IKZF5: variants seen among roughly 807,000 people sequenced by gnomAD.
The protein encoded by IKZF5 is IKAROS family zinc finger 5.
IKZF5 carries 4 observed loss-of-function variants against 30.7 expected under a neutral mutation model. The observed-to-expected ratio is 0.13, with a 90% confidence interval of 0.06 to 0.30. The LOEUF (loss-of-function observed/expected upper bound fraction) is 0.30. Ranked by LOEUF, IKZF5 falls within the 10% of genes least tolerant of loss-of-function variation. The probability of loss-of-function intolerance (pLI) is 1.00; values close to 1 mark genes in which losing one functional copy is unlikely to be tolerated. For synonymous variants in IKZF5, 148 were observed against 179.6 expected (o/e 0.82, Z 1.41); for missense variants, 348 against 525.5 (o/e 0.66, Z 3.30).
intron 3 of IKZF5, among the ~76,000 whole-genome samples, chr10:122,996,545 A>T (rs74984307): frequency 6.7e-6 from 1 of 149,276 alleles, no homozygotes; most frequent in Non-Finnish European, 1.5e-5. Flanking sequence ...AAAAAAAAAA[A>T]TTACAAAAAT....
chr10:122,999,748 G>C (rs565529340), intron 2 of IKZF5, among the ~76,000 whole-genome samples: 2 of 152,328 alleles, frequency 1.3e-5, no homozygotes, highest in Admixed American at 1.3e-4. Flanking sequence ...AGTGTAGAAA[G>C]GGAAAGTCTC....
At chr10:122,995,822 GTATGTTGT>G (rs1219262996) in intron 4 of IKZF5, among the ~76,000 whole-genome samples, 164 bp downstream of exon 4, 7 of 152,184 alleles carry the variant, frequency 4.6e-5, no homozygotes, top group South Asian at 2.1e-4. Flanking sequence ...TGACCTGTTT[GTATGTTGT>G]TATGTTGTTG....
At chr10:122,998,228 T>C (rs778786449) in intron 3 of IKZF5, 4 of 297,736 alleles carry the variant, frequency 1.3e-5, no homozygotes, top group Admixed American at 5.0e-5. Context: ...TTGTGTCTAA[T>C]GGTAGCTCAT....
At chr10:123,006,756 C>CA (rs1188884930) in intron 2 of IKZF5, among the ~76,000 whole-genome samples, 1 of 152,164 alleles carries the variant, frequency 6.6e-6, no homozygotes, top group African/African-American at 2.4e-5. Context: ...GTTTACCCTC[C>CA]ATAGCCTAAT....
rs77790234 is a variant in IKZF5, at chr10:123,000,078, T to A, written c.-46-1407A>T. On this transcript the variant is annotated intron_variant, in intron 2 of 4. Transcript: ENST00000368886. The stretch of plus-strand genomic sequence containing the variant: ...ATATATGCTTAACTTTTTGTTGAAG[T>A]CTTGTACATATATAGAAAAGCACAT... 9.6e-3 allele frequency among the ~76,000 whole-genome samples: 1,465 copies of A among 152,320 alleles called. 18 individuals carry two copies. The highest frequency in any genetic ancestry group is 0.032 in the African/African-American group (1,322 of 41,564).
At chr10:123,000,228 TAGGACCCTCTGCCC>T (rs1849532696) in intron 2 of IKZF5, among the ~76,000 whole-genome samples, 1 of 152,226 alleles carries the variant, frequency 6.6e-6, no homozygotes, top group Non-Finnish European at 1.5e-5. Flanking sequence ...CTTCCAATGC[TAGGACCCTCTGCCC>T]TGACAAGGGT....
chr10:123,004,029 TTG>T (rs1289365014), intron 2 of IKZF5, among the ~76,000 whole-genome samples: 2 of 152,220 alleles, frequency 1.3e-5, no homozygotes, highest in Admixed American at 1.3e-4. Flanking sequence ...TTCTTTATCA[TTG>T]TGTTACTATT....
chr10:123,001,014 C>CT (rs1359372875), intron 2 of IKZF5, among the ~76,000 whole-genome samples: 1,568 of 140,880 alleles, frequency 0.011, 18 homozygotes, highest in African/African-American at 0.035. Flanking sequence ...CTTTTCTTTT[C>CT]TTTTTTTTTT....
intron 2 of IKZF5, among the ~76,000 whole-genome samples, chr10:122,999,270 A>C (rs1849500192): frequency 6.6e-6 from 1 of 152,234 alleles, no homozygotes; most frequent in Non-Finnish European, 1.5e-5. Flanking sequence ...GAGGCACTTG[A>C]AATTTGGCTA....
At position 122,991,294 on chromosome 10, in the gene IKZF5, G is replaced by C. The variant is rs1347672136; in HGVS notation, c.*2486C>G. The C allele has an allele frequency of 6.6e-6, 1 of 152,060 alleles. No individual in the cohort carries two copies. Among genetic ancestry groups the C allele is most frequent in the Admixed American group, 6.5e-5 (1 of 15,274 alleles). 9.4% of individuals were successfully genotyped at this position (152,060 alleles called of 1,614,324 possible). ...GCTACATACTACATTAGTAAAATCT[G>C]AAATAAAATTATTCCCAGTTAATCT... On this transcript the variant is annotated 3_prime_UTR_variant, in exon 5 of 5. Coordinates refer to ENST00000368886, the MANE Select transcript of IKZF5 (RefSeq NM_001372123.1).
Position 122,996,184 on chromosome 10 carries a change from C to T in IKZF5, c.134-8G>A, listed in dbSNP as rs767385763. On this transcript the variant is annotated splice_polypyrimidine_tract_variant and splice_region_variant and intron_variant, in intron 3 of 4. Transcript: ENST00000368886. ...GATCACCATCTGTTCCAGCTATAAA[C>T]AAAGTACCGCAAAAGAAATTATGCA... The T allele has an allele frequency of 8.7e-6, 14 of 1,607,860 alleles. No homozygotes were observed. The highest frequency in any genetic ancestry group is 3.3e-4 in the Middle Eastern group (2 of 6,070).
chr10:122,998,699 G>T, intron 2 of IKZF5, 28 bp from the exon 3 acceptor site: 2 of 1,291,296 alleles, frequency 1.5e-6, no homozygotes, highest in Non-Finnish European at 2.2e-6. Context: ...TATTTAGGGA[G>T]ATCTAGTACA....
At chr10:122,997,810 A>G (rs1372999607) in intron 3 of IKZF5, among the ~76,000 whole-genome samples, 1 of 152,240 alleles carries the variant, frequency 6.6e-6, no homozygotes, top group Non-Finnish European at 1.5e-5. Context: ...TGTGGACTCA[A>G]GTTTGAACTT....
At chr10:123,002,599 C>T (rs1849630160) in intron 2 of IKZF5, among the ~76,000 whole-genome samples, 1 of 150,714 alleles carries the variant, frequency 6.6e-6, no homozygotes, top group African/African-American at 2.4e-5. Context: ...CCGAGGCAGG[C>T]AGGTCACGAG....
chr10:123,008,226 A>G (rs1042557015), intron 1 of IKZF5, among the ~76,000 whole-genome samples: 1 of 152,192 alleles, frequency 6.6e-6, no homozygotes, highest in East Asian at 1.9e-4. Flanking sequence ...TCCTTCTCCC[A>G]ACAATCAGCC....
rs750965585 is a variant in IKZF5 at position 122,998,539 on chromosome 10, A to G, written c.87T>C (p.Ile29=). The G allele has an allele frequency of 3.1e-6, 5 of 1,613,620 alleles. No homozygotes were observed. Among genetic ancestry groups the G allele is most frequent in the South Asian group, 1.1e-5 (1 of 90,986 alleles). Residue 29 remains isoleucine, a synonymous_variant, in exon 3 of 5, where the codon ATT becomes ATC. Transcript: ENST00000368886. ...LTQQTHHVNM[I]SGSVSGDKEA... ...CTTTGTCCCCACTAACTGATCCAGA[A>G]ATCATGTTCACGTGATGGGTCTGCT...
chr10:122,993,756 T>C lies in IKZF5; in HGVS notation c.*24A>G, dbSNP rs189186734. 1.2e-5 allele frequency: 18 copies of C among 1,515,932 alleles called. No individual in the cohort carries two copies. In the East Asian group the frequency reaches 3.9e-4, roughly 33 times the overall value. The allele number at this position is 1,515,932 out of a possible 1,614,324, so 93.9% of individuals were successfully genotyped here. A position where few individuals can be genotyped will look rare whatever the true frequency, so the allele number is the denominator to read the frequency against. On this transcript the variant is annotated 3_prime_UTR_variant, in exon 5 of 5. Coordinates refer to ENST00000368886, the MANE Select transcript of IKZF5 (RefSeq NM_001372123.1). ...AACCAAACCACAAAAACAGCAAAACTAAGTAAAATATGACTATTTTCAATC... is the reference window on the plus strand; with the variant it reads ...AACCAAACCACAAAAACAGCAAAACCAAGTAAAATATGACTATTTTCAATC...
At chr10:123,008,664 C>T (rs1201645349) in intron 1 of IKZF5, 30 bp downstream of exon 1, 1 of 399,200 alleles carries the variant, frequency 2.5e-6, no homozygotes, top group Non-Finnish European at 4.8e-6. Context: ...GCCGCGTCGC[C>T]GCCGTCCGAG....
intron 2 of IKZF5, among the ~76,000 whole-genome samples, chr10:123,002,630 CTGGCCAGCA>C (rs1453929230): frequency 6.6e-6 from 1 of 151,832 alleles, no homozygotes; most frequent in Non-Finnish European, 1.5e-5. Flanking sequence ...CGAGACCAGC[CTGGCCAGCA>C]TGGTGAAACC....
Sources: gnomAD v4.1 joint callset for allele counts (sites outside exome capture counted in the v4.1 genomes callset) on GRCh38, gnomAD v4.1.1 for gene constraint, MANE v1.5 for transcripts, NCBI Gene and HGNC (gene_info 2026-07-23, HGNC 2026-07-21) for gene names.